CAB39L: variants seen among roughly 807,000 people sequenced by gnomAD.
The protein encoded by CAB39L is calcium-binding protein 39-like.
In CAB39L, 23 loss-of-function variants were observed where a neutral mutation model predicts 39.1. That is an observed-to-expected ratio of 0.59 (90% CI 0.42 to 0.83). The LOEUF is 0.83. Ranked by LOEUF, CAB39L falls within the 40% of genes least tolerant of loss-of-function variation. CAB39L has a pLI of 0.00. For synonymous variants in CAB39L, 126 were observed against 137.2 expected (o/e 0.92, Z 0.57); for missense variants, 366 against 391.9 (o/e 0.93, Z 0.56).
At chr13:49,345,402 C>T (rs1955118643) in intron 7 of CAB39L, among the ~76,000 whole-genome samples, 1 of 152,120 alleles carries the variant, frequency 6.6e-6, no homozygotes, top group Admixed American at 6.5e-5. Context: ...ACTTGATCAA[C>T]CACTGGGCCT....
At chr13:49,429,247 C>T (rs748722483) in intron 3 of CAB39L, among the ~76,000 whole-genome samples, 18 of 152,130 alleles carry the variant, frequency 1.2e-4, no homozygotes, top group Non-Finnish European at 2.4e-4. Flanking sequence ...AGGCATGCCA[C>T]CATACTGGCT....
At chr13:49,433,890 G>C (rs1050136563) in intron 2 of CAB39L, among the ~76,000 whole-genome samples, 196 bp downstream of exon 2, 1 of 152,182 alleles carries the variant, frequency 6.6e-6, no homozygotes, top group African/African-American at 2.4e-5. Flanking sequence ...ATAAAGGGAA[G>C]CTTTGAAGGG....
chr13:49,354,717 G>A (rs1955442679), intron 6 of CAB39L, among the ~76,000 whole-genome samples: 1 of 152,252 alleles, frequency 6.6e-6, no homozygotes, highest in East Asian at 1.9e-4. Flanking sequence ...GGACTATAAT[G>A]AACTGTGTCA....
At chr13:49,363,368 A>G (rs2138515100) in intron 5 of CAB39L, among the ~76,000 whole-genome samples, 1 of 152,316 alleles carries the variant, frequency 6.6e-6, no homozygotes, top group East Asian at 1.9e-4. Context: ...TAAGGTGTAG[A>G]GTTCTTATTA....
intron 9 of CAB39L, 124 bp from the exon 10 acceptor site, chr13:49,332,214 G>T: frequency 8.6e-7 from 1 of 1,166,952 alleles, no homozygotes; most frequent in Non-Finnish European, 1.2e-6. Flanking sequence ...AAAAAAATTA[G>T]AGTGTCCTTA....
At chr13:49,357,265 G>A (rs1042217620) in intron 6 of CAB39L, among the ~76,000 whole-genome samples, 2 of 152,098 alleles carry the variant, frequency 1.3e-5, no homozygotes, top group African/African-American at 4.8e-5. Flanking sequence ...ATAACCTTGA[G>A]CAATATCCTT....
chr13:49,422,269 C>T (rs776938655), intron 3 of CAB39L, among the ~76,000 whole-genome samples: 4 of 152,220 alleles, frequency 2.6e-5, no homozygotes, highest in Admixed American at 6.5e-5. Flanking sequence ...AAGGAAAAGT[C>T]GGCATTTAAA....
intron 10 of CAB39L, among the ~76,000 whole-genome samples, chr13:49,323,478 C>T (rs1397492167): frequency 6.6e-6 from 1 of 152,242 alleles, no homozygotes; most frequent in Non-Finnish European, 1.5e-5. Flanking sequence ...CGGAGGCCTT[C>T]AGCTCCATCG....
chr13:49,392,109 C>T lies in CAB39L; in HGVS notation c.-31-9168G>A, dbSNP rs559867857. 2.7e-5 allele frequency among the ~76,000 whole-genome samples: 4 copies of T among 147,816 alleles called. No homozygotes were observed. The East Asian group carries it at 7.7e-4, about 29-fold the overall frequency. On this transcript the variant is annotated intron_variant, in intron 3 of 10. Coordinates refer to ENST00000409308, the MANE Select transcript of CAB39L (RefSeq NM_001079670.3). ...AATGCAGAGTTCATGAGAAATTATA[C>T]ACACACACACACAAAGCATTTAATA...
chr13:49,440,529 C>T (rs1213611212), intron 1 of CAB39L, among the ~76,000 whole-genome samples: 1 of 151,812 alleles, frequency 6.6e-6, no homozygotes, highest in Non-Finnish European at 1.5e-5. Flanking sequence ...AAACAAGCTA[C>T]ACATTCAGTA....
chr13:49,330,757 T>C (rs1954668273), intron 10 of CAB39L, among the ~76,000 whole-genome samples: 1 of 151,338 alleles, frequency 6.6e-6, no homozygotes, highest in South Asian at 2.1e-4. Context: ...TCTGAATGCT[T>C]ATTTCCACTC....
chr13:49,315,658 G>A (rs1173883792), intron 10 of CAB39L, among the ~76,000 whole-genome samples: 4 of 152,012 alleles, frequency 2.6e-5, no homozygotes, highest in Non-Finnish European at 2.9e-5. Context: ...AGGCCAAGGC[G>A]GGCGGATCAT....
At chr13:49,327,511 C>T (rs1022089217) in intron 10 of CAB39L, among the ~76,000 whole-genome samples, 7 of 152,174 alleles carry the variant, frequency 4.6e-5, no homozygotes, top group Non-Finnish European at 1.0e-4. Context: ...GCCATGTTGG[C>T]CAGGCTGGTC....
rs897341366 is a variant in CAB39L, at chr13:49,434,002, C to T, written c.-108+84G>A. The T allele has an allele frequency of 5.3e-5, 18 of 341,882 alleles. No homozygotes were observed. In the Admixed American group the frequency reaches 6.5e-4, roughly 12 times the overall value. 21.2% of individuals were successfully genotyped at this position (341,882 alleles called of 1,614,324 possible). A position where few individuals can be genotyped will look rare whatever the true frequency, so the allele number is the denominator to read the frequency against. ...CACCTTTACTAATTTCAGTCACCAG[C>T]GACAATTTCTGTAAAATCTATCTCC... On this transcript the variant is annotated intron_variant, in intron 2 of 10. Coordinates refer to ENST00000409308, the MANE Select transcript of CAB39L (RefSeq NM_001079670.3).
chr13:49,327,837 C>G (rs1389758720), intron 10 of CAB39L, among the ~76,000 whole-genome samples: 1 of 152,166 alleles, frequency 6.6e-6, no homozygotes, highest in East Asian at 1.9e-4. Context: ...CACTGGTGCC[C>G]ATGTATGGCT....
At chr13:49,391,132 T>C (rs1185847806) in intron 3 of CAB39L, among the ~76,000 whole-genome samples, 2 of 152,178 alleles carry the variant, frequency 1.3e-5, no homozygotes, top group Non-Finnish European at 2.9e-5. Flanking sequence ...GAGTGGCACC[T>C]AAGAACCAGA....
intron 7 of CAB39L, among the ~76,000 whole-genome samples, chr13:49,346,463 A>C (rs1434067485): frequency 6.6e-6 from 1 of 152,142 alleles, no homozygotes; most frequent in East Asian, 1.9e-4. Flanking sequence ...TAATTCAAAT[A>C]GTGTACTCTT....
intron 3 of CAB39L, among the ~76,000 whole-genome samples, chr13:49,430,055 T>C (rs1436194806): frequency 1.3e-5 from 2 of 152,206 alleles, no homozygotes; most frequent in Non-Finnish European, 2.9e-5. Flanking sequence ...TGTTTTGTTT[T>C]TTCACTCCAA....
intron 5 of CAB39L, among the ~76,000 whole-genome samples, chr13:49,376,417 TAGTC>T (rs1176423825): frequency 6.6e-6 from 1 of 152,048 alleles, no homozygotes; most frequent in South Asian, 2.1e-4. Flanking sequence ...TTGTTTTAGT[TAGTC>T]AGTTTATTAT....
Sources: gnomAD v4.1 joint callset for allele counts (sites outside exome capture counted in the v4.1 genomes callset) on GRCh38, gnomAD v4.1.1 for gene constraint, MANE v1.5 for transcripts, NCBI Gene and HGNC (gene_info 2026-07-23, HGNC 2026-07-21) for gene names.